Variants in NARS2 observed in about 807,000 individuals in gnomAD.
NARS2 encodes asparaginyl-tRNA synthetase 2, mitochondrial.
A neutral mutation model predicts 62.9 loss-of-function variants in NARS2; 60 were observed. That is an observed-to-expected ratio of 0.95 (90% CI 0.77 to 1.18). NARS2 has a LOEUF of 1.18. Among genes scored for constraint, NARS2 ranks in the 50% most tolerant of loss-of-function variants. The pLI is 0.00. For synonymous variants in NARS2, 196 were observed against 200.0 expected (o/e 0.98, Z 0.17); for missense variants, 619 against 576.4 (o/e 1.07, Z -0.76).
intron 6 of NARS2, among the ~76,000 whole-genome samples, chr11:78,528,210 A>C (rs1266399713): frequency 6.6e-6 from 1 of 152,130 alleles, no homozygotes; most frequent in Non-Finnish European, 1.5e-5. Context: ...CTGGGCAATA[A>C]GCGAGATCCC....
At chr11:78,488,867 C>T (rs1437995269) in intron 7 of NARS2, among the ~76,000 whole-genome samples, 1 of 151,900 alleles carries the variant, frequency 6.6e-6, no homozygotes, top group Non-Finnish European at 1.5e-5. Flanking sequence ...ACAGCCTTTT[C>T]AACAAATGGT....
chr11:78,451,072 C>T (rs1458396058), intron 11 of NARS2, among the ~76,000 whole-genome samples: 3 of 152,168 alleles, frequency 2.0e-5, no homozygotes, highest in African/African-American at 7.2e-5. Flanking sequence ...TCTAATACTT[C>T]CTGTTTTTCT....
intron 11 of NARS2, among the ~76,000 whole-genome samples, chr11:78,453,311 A>T (rs1221222097): frequency 6.6e-6 from 1 of 152,194 alleles, no homozygotes; most frequent in Non-Finnish European, 1.5e-5. Flanking sequence ...ATTCTGCTTA[A>T]GTCACACAGC....
chr11:78,479,357 A>G (rs1348728306), intron 7 of NARS2, among the ~76,000 whole-genome samples: 2 of 152,116 alleles, frequency 1.3e-5, no homozygotes, highest in African/African-American at 4.8e-5. Context: ...AAAAAGAAAA[A>G]TTAGCTGGGC....
At chr11:78,497,233 G>A (rs887102283) in intron 6 of NARS2, among the ~76,000 whole-genome samples, 8 of 45,034 alleles carry the variant, frequency 1.8e-4, no homozygotes, top group African/African-American at 2.8e-4. Flanking sequence ...AAAATAAAAA[G>A]CAAAATTGAA....
intron 2 of NARS2, among the ~76,000 whole-genome samples, chr11:78,570,380 G>A (rs1411931222): frequency 1.3e-5 from 2 of 152,264 alleles, no homozygotes; most frequent in Admixed American, 1.3e-4. Context: ...ACATTAAAAT[G>A]GTGTTAGTTT....
At chr11:78,462,763 G>C (rs1211576160) in intron 11 of NARS2, among the ~76,000 whole-genome samples, 1 of 152,048 alleles carries the variant, frequency 6.6e-6, no homozygotes, top group East Asian at 1.9e-4. Flanking sequence ...TCTAGTAAAC[G>C]GTGGCTAATA....
chr11:78,533,962 A>G (rs1459990436), intron 5 of NARS2, among the ~76,000 whole-genome samples: 1 of 152,092 alleles, frequency 6.6e-6, no homozygotes, highest in East Asian at 1.9e-4. Flanking sequence ...TTCTCCAGGT[A>G]TTTTCATAGC....
chr11:78,537,865 T>C (rs1187635433), intron 5 of NARS2, among the ~76,000 whole-genome samples: 1 of 152,228 alleles, frequency 6.6e-6, no homozygotes, highest in Non-Finnish European at 1.5e-5. Flanking sequence ...AATTATCACA[T>C]TATTCAAAAC....
chr11:78,468,637 C>T (rs1452276647), intron 10 of NARS2, among the ~76,000 whole-genome samples: 1 of 151,936 alleles, frequency 6.6e-6, no homozygotes, highest in African/African-American at 2.4e-5. Context: ...ATCTCCTGAC[C>T]TTGTGATCCA....
rs1160308311 is a variant in NARS2 at position 78,478,642 on chromosome 11, G to A, written c.864C>T (p.Leu288=). 6.2e-7 allele frequency: 1 copy of A among 1,612,062 alleles called. No homozygotes were observed. The highest frequency in any genetic ancestry group is 8.5e-7 in the Non-Finnish European group (1 of 1,178,938). ...GTTCAACATCTTCAGGACATTTTGA[G>A]AGAACCATCATTGTTGTAGCCTTGA... ...ELFKATTMMV[L]SKCPEDVELC... The change falls in exon 8 of 14, where the codon CTC becomes CTT. Residue 288 remains leucine (L), a synonymous_variant. Coordinates refer to ENST00000281038, the MANE Select transcript of NARS2 (RefSeq NM_024678.6).
chr11:78,539,325 C>T (rs10899545), intron 5 of NARS2, among the ~76,000 whole-genome samples: 97,876 of 151,810 alleles, frequency 0.64, 34,909 homozygotes, highest in Non-Finnish European at 0.81. Context: ...CAACAAAGGA[C>T]GGATAAATTA....
chr11:78,464,144 G>A (rs1272796479), intron 11 of NARS2, among the ~76,000 whole-genome samples: 3 of 151,946 alleles, frequency 2.0e-5, no homozygotes, highest in Non-Finnish European at 4.4e-5. Flanking sequence ...GCAGACCTTC[G>A]CGGTGAGTGT....
At position 78,574,510 on chromosome 11, in the gene NARS2, C is replaced by T. The variant is rs377164130; in HGVS notation, c.-22G>A. 1,176 of 1,593,564 alleles carry T rather than the reference C, an allele frequency of 7.4e-4. 1 individual carries two copies. The highest frequency in any genetic ancestry group is 9.3e-4 in the Non-Finnish European group (1,094 of 1,171,196). ...GCATCCCGCGTCCGCCCAGGCCCTC[C>T]GCGGGAGCAGCCCAGACCCCACGGT... On this transcript the variant is annotated 5_prime_UTR_variant, in exon 1 of 14. Transcript: ENST00000281038.
At chr11:78,448,972 T>C (rs1857863927) in intron 11 of NARS2, among the ~76,000 whole-genome samples, 1 of 152,226 alleles carries the variant, frequency 6.6e-6, no homozygotes, top group African/African-American at 2.4e-5. Context: ...TCATATTTAT[T>C]TTGATTATAA....
At chr11:78,527,309 T>C (rs1861328226) in intron 6 of NARS2, among the ~76,000 whole-genome samples, 1 of 152,202 alleles carries the variant, frequency 6.6e-6, no homozygotes. Context: ...AAATTCATTT[T>C]GTATTTGAAT....
Position 78,574,427 on chromosome 11 carries a change from T to C in NARS2, c.62A>G (p.Lys21Arg). 1 of 1,614,160 alleles carries C rather than the reference T, an allele frequency of 6.2e-7. No homozygotes were observed. Among genetic ancestry groups the C allele is most frequent in the Non-Finnish European group, 8.5e-7 (1 of 1,180,026 alleles). The change falls in exon 1 of 14, where the codon AAG becomes AGG. Residue 21 changes from lysine to arginine, a missense_variant. By Grantham distance (26) the Lys-to-Arg change is conservative. Transcript: ENST00000281038. ...GCTCAGTTTGGCTGAAGGTTTGTGC[T>C]TGGGGAAGGGGGCGGAGGAACAGAA... is the stretch of plus-strand genomic sequence containing the variant. ...VRFCSSAPFPKHKPSAKLSVR... is the reference protein window; with the variant it reads ...VRFCSSAPFPRHKPSAKLSVR...
At chr11:78,568,914 G>C (rs1384260145) in intron 2 of NARS2, among the ~76,000 whole-genome samples, 162 bp from the exon 3 acceptor site, 2 of 152,130 alleles carry the variant, frequency 1.3e-5, no homozygotes, top group African/African-American at 2.4e-5. Context: ...CGTATAAATA[G>C]AGCATAAAGT....
chr11:78,572,773 A>T (rs1160271049), intron 1 of NARS2, among the ~76,000 whole-genome samples: 2 of 152,178 alleles, frequency 1.3e-5, no homozygotes, highest in African/African-American at 4.8e-5. Context: ...AAAATAGATG[A>T]AATATTTCAC....
Sources: allele counts gnomAD v4.1 joint callset (sites outside exome capture counted in the v4.1 genomes callset), GRCh38; gene constraint gnomAD v4.1.1; transcripts MANE v1.5; gene names NCBI Gene and HGNC (gene_info 2026-07-23, HGNC 2026-07-21).